The following TUSC3 variants were observed in gnomAD, a reference collection of about 807,000 sequenced individuals.
The protein encoded by TUSC3 is dolichyl-diphosphooligosaccharide--protein glycosyltransferase subunit TUSC3.
A neutral mutation model predicts 44.8 loss-of-function variants in TUSC3; 45 were observed. The observed-to-expected ratio is 1.00, with a 90% CI of 0.79 to 1.29. The LOEUF (loss-of-function observed/expected upper bound fraction) is 1.29, where lower values mean the gene tolerates loss of function less well. Ranked by LOEUF, TUSC3 falls within the 50% of genes most tolerant of loss-of-function variation. The pLI, the probability that TUSC3 is intolerant of heterozygous loss-of-function variation, is 0.00. For synonymous variants in TUSC3, 212 were observed against 152.9 expected (o/e 1.39, Z -2.85); for missense variants, 519 against 437.9 (o/e 1.19, Z -1.65).
chr8:15,715,862 A>C (rs918984830), intron 6 of TUSC3, among the ~76,000 whole-genome samples: 3 of 152,160 alleles, frequency 2.0e-5, no homozygotes, highest in Non-Finnish European at 2.9e-5. Flanking sequence ...TATTTCCATG[A>C]AAACGTATCT....
At chr8:15,453,038 C>G (rs1018457375) in intron 1 of TUSC3, among the ~76,000 whole-genome samples, 1 of 152,086 alleles carries the variant, frequency 6.6e-6, no homozygotes, top group Non-Finnish European at 1.5e-5. Context: ...AACTGCATAA[C>G]TAGAAACAGT....
In TUSC3 at chr8:15,715,131, A is replaced by T. The variant is rs11990928; in HGVS notation, c.799-15535A>T. 8.1e-3 allele frequency among the ~76,000 whole-genome samples: 1,232 copies of T among 152,176 alleles called. 15 individuals carry two copies. The highest frequency in any genetic ancestry group is 0.028 in the African/African-American group (1,157 of 41,508). ...CTGATAATTAAATTAAATAATCTTT[A>T]TACAGTCCACCCTAATCCAAGACCA... On this transcript the variant is annotated intron_variant, in intron 6 of 10. Transcript: ENST00000503731.
intron 1 of TUSC3, among the ~76,000 whole-genome samples, chr8:15,423,969 G>GTTTTTGTTTTTGTGTTTTTT (rs1563247134): frequency 1.4e-5 from 1 of 70,362 alleles, no homozygotes. Flanking sequence ...GTTTTGCTTT[G>GTTTTTGTTTTTGTGTTTTTT]TTTTTTTTTT....
intron 1 of TUSC3, among the ~76,000 whole-genome samples, chr8:15,464,966 C>T (rs893327070): frequency 2.6e-5 from 4 of 152,160 alleles, no homozygotes; most frequent in African/African-American, 9.7e-5. Context: ...TCTCTTGCCT[C>T]AGCCTCCCAA....
At chr8:15,433,604 C>A (rs1450472908) in intron 1 of TUSC3, among the ~76,000 whole-genome samples, 1 of 151,912 alleles carries the variant, frequency 6.6e-6, no homozygotes, top group African/African-American at 2.4e-5. Flanking sequence ...ACCGCCACCA[C>A]CACATGCCAG....
At chr8:15,813,577 C>T in the TUSC3 span, among the ~76,000 whole-genome samples, 123,487 of 152,080 alleles carry the variant, frequency 0.81, 50,424 homozygotes, top group Non-Finnish European at 0.85. Flanking sequence ...ACATTTTATT[C>T]TAGAATAAAA....
At chr8:15,702,470 G>A (rs1418059716) in intron 6 of TUSC3, among the ~76,000 whole-genome samples, 1 of 152,046 alleles carries the variant, frequency 6.6e-6, no homozygotes, top group East Asian at 1.9e-4. Context: ...GAATCTCATG[G>A]TATAAATACC....
At chr8:15,786,834 C>A in the TUSC3 span, among the ~76,000 whole-genome samples, 3 of 148,396 alleles carry the variant, frequency 2.0e-5, no homozygotes, top group African/African-American at 7.5e-5. Flanking sequence ...ATCTTAGCTA[C>A]TTGGGAGGCT....
At chr8:15,653,507 A>C (rs1415158473) in intron 3 of TUSC3, among the ~76,000 whole-genome samples, 1 of 152,170 alleles carries the variant, frequency 6.6e-6, no homozygotes. Flanking sequence ...TAATTATTCT[A>C]AAGTTTGGCG....
chr8:15,846,426 T>G, the TUSC3 span, among the ~76,000 whole-genome samples: 2 of 152,128 alleles, frequency 1.3e-5, no homozygotes, highest in East Asian at 3.9e-4. Context: ...CACACATATG[T>G]TTATTGCAGC....
intron 7 of TUSC3, among the ~76,000 whole-genome samples, chr8:15,731,716 T>C (rs940968810): frequency 1.1e-4 from 17 of 152,198 alleles, no homozygotes; most frequent in African/African-American, 4.1e-4. Flanking sequence ...TGAATGTTAG[T>C]CATGCCTATT....
the TUSC3 span, among the ~76,000 whole-genome samples, chr8:15,810,910 C>T: frequency 6.6e-6 from 1 of 152,086 alleles, no homozygotes; most frequent in Non-Finnish European, 1.5e-5. Context: ...GGACCGCTGA[C>T]ACCAGGGAAG....
intron 1 of TUSC3, among the ~76,000 whole-genome samples, chr8:15,612,758 GT>G (rs1438798952): frequency 1.3e-5 from 2 of 151,972 alleles, no homozygotes; most frequent in Admixed American, 1.3e-4. Context: ...GTTTTGTTTT[GT>G]TTTTGAAGAT....
chr8:15,558,920 T>G (rs1802361534), intron 1 of TUSC3, among the ~76,000 whole-genome samples: 1 of 151,526 alleles, frequency 6.6e-6, no homozygotes, highest in Non-Finnish European at 1.5e-5. Context: ...TTGCTAGCGG[T>G]CTATCAATCT....
chr8:15,813,583 T>A, the TUSC3 span, among the ~76,000 whole-genome samples: 1 of 152,250 alleles, frequency 6.6e-6, no homozygotes, highest in African/African-American at 2.4e-5. Context: ...TATTCTAGAA[T>A]AAAAATGATA....
chr8:15,503,487 A>G (rs1800997932), intron 2 of TUSC3, among the ~76,000 whole-genome samples: 1 of 151,940 alleles, frequency 6.6e-6, no homozygotes, highest in Non-Finnish European at 1.5e-5. Context: ...AATAATATGT[A>G]TTTTCAATTT....
At chr8:15,497,497 G>A (rs746362981) in intron 2 of TUSC3, among the ~76,000 whole-genome samples, 3 of 152,080 alleles carry the variant, frequency 2.0e-5, no homozygotes, top group Admixed American at 1.3e-4. Context: ...TTACACAAAC[G>A]CTATAGACCC....
chr8:15,511,221 G>C (rs1191079539), intron 2 of TUSC3, among the ~76,000 whole-genome samples: 1 of 151,850 alleles, frequency 6.6e-6, no homozygotes, highest in Non-Finnish European at 1.5e-5. Flanking sequence ...TATAGTGCTG[G>C]AATGAATTTC....
intron 1 of TUSC3, among the ~76,000 whole-genome samples, chr8:15,459,832 TTGTGTGTG>T (rs35529446): frequency 1.8e-4 from 27 of 148,632 alleles, no homozygotes; most frequent in Middle Eastern, 6.9e-3. Flanking sequence ...AGTATTCCAT[TTGTGTGTG>T]TGTGTGTGTG....
Sources: gnomAD v4.1 joint callset for allele counts (sites outside exome capture counted in the v4.1 genomes callset) on GRCh38, gnomAD v4.1.1 for gene constraint, MANE v1.5 for transcripts, NCBI Gene and HGNC (gene_info 2026-07-23, HGNC 2026-07-21) for gene names.